Variants in DDX10 observed in about 807,000 individuals in gnomAD.
DDX10 encodes the protein probable ATP-dependent RNA helicase DDX10.
A neutral mutation model predicts 104.3 loss-of-function variants in DDX10; 74 were observed. The observed-to-expected ratio is 0.71, with a 90% confidence interval of 0.59 to 0.86. The LOEUF (loss-of-function observed/expected upper bound fraction) is 0.86. Ranked by LOEUF, DDX10 falls within the 40% of genes least tolerant of loss-of-function variation. DDX10 has a pLI of 0.00. For missense variants in DDX10, 952 were observed against 1,040.0 expected (o/e 0.92, Z 1.16); for synonymous variants, 351 against 353.4 (o/e 0.99, Z 0.08).
chr11:108,868,900 A>C (rs941188575), intron 16 of DDX10, among the ~76,000 whole-genome samples: 22 of 151,522 alleles, frequency 1.5e-4, no homozygotes, highest in African/African-American at 4.8e-4. Flanking sequence ...CTTTCTATTG[A>C]GTTTATACAG....
chr11:108,904,182 G>C (rs1863558319), intron 16 of DDX10, among the ~76,000 whole-genome samples: 6 of 152,042 alleles, frequency 3.9e-5, no homozygotes, highest in Admixed American at 2.6e-4. Flanking sequence ...TATTCTATTA[G>C]AGCAGGGAGT....
chr11:108,893,184 A>G (rs983245562), intron 16 of DDX10, among the ~76,000 whole-genome samples: 4 of 152,148 alleles, frequency 2.6e-5, no homozygotes, highest in African/African-American at 9.7e-5. Context: ...ATTAACATGT[A>G]TAGTAGCTTC....
At chr11:108,926,430 T>C (rs1565321279) in intron 17 of DDX10, among the ~76,000 whole-genome samples, 2 of 152,236 alleles carry the variant, frequency 1.3e-5, no homozygotes. Context: ...TGTGCAGTCT[T>C]CTGCCTTCTA....
chr11:108,862,228 T>G (rs1256699791), intron 16 of DDX10, among the ~76,000 whole-genome samples: 1 of 152,094 alleles, frequency 6.6e-6, no homozygotes, highest in African/African-American at 2.4e-5. Flanking sequence ...CTCTCTATGT[T>G]GACTAGGCTG....
intron 16 of DDX10, among the ~76,000 whole-genome samples, chr11:108,887,922 G>GA (rs1211257053): frequency 4.2e-5 from 6 of 141,924 alleles, no homozygotes; most frequent in South Asian, 2.4e-4. Flanking sequence ...CTGAAAAAAA[G>GA]AAAAAAAAAG....
At chr11:108,687,161 T>G (rs1231173484) in intron 6 of DDX10, among the ~76,000 whole-genome samples, 1 of 152,246 alleles carries the variant, frequency 6.6e-6, no homozygotes, top group Non-Finnish European at 1.5e-5. Flanking sequence ...CTGCCAGCAG[T>G]GAAGGATAGT....
At chr11:108,708,417 A>G (rs999689888) in intron 10 of DDX10, among the ~76,000 whole-genome samples, 2 of 144,290 alleles carry the variant, frequency 1.4e-5, no homozygotes, top group Admixed American at 1.4e-4. Flanking sequence ...GTTATGATGT[A>G]TAATGATTTT....
intron 16 of DDX10, among the ~76,000 whole-genome samples, chr11:108,881,309 G>C (rs976998354): frequency 6.6e-6 from 1 of 152,170 alleles, no homozygotes; most frequent in East Asian, 1.9e-4. Context: ...TAGTGATGTG[G>C]AAGTCCTGGA....
At chr11:108,795,572 A>G (rs906053378) in intron 13 of DDX10, among the ~76,000 whole-genome samples, 81 of 140,310 alleles carry the variant, frequency 5.8e-4, no homozygotes, top group African/African-American at 2.1e-3. Flanking sequence ...GTTCCCACCT[A>G]TGAGTGAGAA....
intron 13 of DDX10, among the ~76,000 whole-genome samples, chr11:108,793,086 C>T (rs1184487171): frequency 1.3e-5 from 2 of 152,094 alleles, no homozygotes; most frequent in African/African-American, 2.4e-5. Flanking sequence ...TAAAGATATG[C>T]GTCGTAGGCA....
intron 17 of DDX10, chr11:108,921,951 C>T (rs1214445158): frequency 6.7e-6 from 1 of 150,310 alleles, no homozygotes; most frequent in East Asian, 2.0e-4. Context: ...GAGCAAGACT[C>T]CCAGAGAGAG....
At chr11:108,820,388 G>T (rs1309500619) in intron 13 of DDX10, among the ~76,000 whole-genome samples, 1 of 152,178 alleles carries the variant, frequency 6.6e-6, no homozygotes, top group Non-Finnish European at 1.5e-5. Context: ...GTAGGGGAAG[G>T]AATTGATTTC....
At chr11:108,676,465 A>G (rs1250464013) in intron 3 of DDX10, among the ~76,000 whole-genome samples, 10 of 151,478 alleles carry the variant, frequency 6.6e-5, no homozygotes, top group Non-Finnish European at 1.5e-5. Flanking sequence ...TTTTTTTTTG[A>G]GATGAAGTCA....
At chr11:108,702,440 C>T (rs1466921674) in intron 9 of DDX10, among the ~76,000 whole-genome samples, 1 of 152,080 alleles carries the variant, frequency 6.6e-6, no homozygotes, top group Non-Finnish European at 1.5e-5. Context: ...TTGTGAATAG[C>T]GTATCACAGA....
intron 10 of DDX10, among the ~76,000 whole-genome samples, chr11:108,709,837 GT>G (rs140821474): frequency 0.01 from 1,514 of 151,236 alleles, 20 homozygotes; most frequent in African/African-American, 0.035. Context: ...CCCCTTTTCT[GT>G]TTCCCAAGTT....
chr11:108,745,729 A>T lies in DDX10; in HGVS notation c.1965+22267A>T, dbSNP rs1034906763. 2.6e-5 allele frequency among the ~76,000 whole-genome samples: 4 copies of T among 152,188 alleles called. No individual in the cohort carries two copies. In the East Asian group the frequency reaches 7.7e-4, roughly 29 times the overall value. ...CTGAAGTCTTAAATATAAACATTTTAACTAGCTTTAATAGTTTGAATTTTT... is the reference window on the plus strand; with the variant it reads ...CTGAAGTCTTAAATATAAACATTTTTACTAGCTTTAATAGTTTGAATTTTT... On this transcript the variant is annotated intron_variant, in intron 13 of 17. Coordinates refer to ENST00000322536, the MANE Select transcript of DDX10 (RefSeq NM_004398.4).
intron 16 of DDX10, among the ~76,000 whole-genome samples, chr11:108,915,274 C>T (rs886626984): frequency 6.6e-6 from 1 of 152,014 alleles, no homozygotes; most frequent in Non-Finnish European, 1.5e-5. Flanking sequence ...ACTTGCTTAC[C>T]CTTCAAGGAA....
intron 13 of DDX10, among the ~76,000 whole-genome samples, chr11:108,832,080 C>G (rs1565292360): frequency 1.3e-5 from 2 of 152,186 alleles, no homozygotes; most frequent in East Asian, 3.9e-4. Flanking sequence ...AAATTTCATT[C>G]TTGTACCAAT....
intron 16 of DDX10, among the ~76,000 whole-genome samples, chr11:108,873,963 A>G (rs896443507): frequency 6.6e-6 from 1 of 152,160 alleles, no homozygotes; most frequent in African/African-American, 2.4e-5. Flanking sequence ...CAAAGAGTCT[A>G]TTTCTGTTAG....
Sources: gnomAD v4.1 joint callset for allele counts (sites outside exome capture counted in the v4.1 genomes callset) on GRCh38, gnomAD v4.1.1 for gene constraint, MANE v1.5 for transcripts, NCBI Gene and HGNC (gene_info 2026-07-23, HGNC 2026-07-21) for gene names.